ASB15: variants seen among roughly 807,000 people sequenced by gnomAD.
ASB15 encodes ankyrin repeat and SOCS box protein 15.
A neutral mutation model predicts 58.0 loss-of-function variants in ASB15; 54 were observed. The observed-to-expected ratio is 0.93, with a 90% CI of 0.75 to 1.17. The LOEUF is 1.17. Ranked by LOEUF, ASB15 falls within the 50% of genes most tolerant of loss-of-function variation. The pLI, the probability that ASB15 is intolerant of heterozygous loss-of-function variation, is 0.00. For missense variants in ASB15, 680 were observed against 707.4 expected, an observed-to-expected ratio of 0.96 and a Z score of 0.44; for synonymous variants, 249 against 262.4, an observed-to-expected ratio of 0.95 and a Z score of 0.50.
chr7:123,592,298 C>T (rs1043429703), intron 1 of ASB15, among the ~76,000 whole-genome samples: 13 of 151,840 alleles, frequency 8.6e-5, no homozygotes, highest in African/African-American at 2.7e-4. Context: ...AGTTCTGCTC[C>T]GATCTTAGTT....
At chr7:123,588,666 C>T (rs1799443983) in intron 1 of ASB15, among the ~76,000 whole-genome samples, 1 of 148,936 alleles carries the variant, frequency 6.7e-6, no homozygotes, top group South Asian at 2.1e-4. Flanking sequence ...TAAAGTTAGG[C>T]TATTTATTTG....
In ASB15 at chr7:123,636,957, T is replaced by C. The variant is rs1179390097; in HGVS notation, c.1743T>C (p.Tyr581=). ...RYILFKEYDL[Y]GQELKLT ...TATTATTTAAAGAGTATGATCTCTA[T>C]GGACAAGAGCTAAAATTGACATAAC... is the stretch of plus-strand genomic sequence containing the variant. Residue 581 remains tyrosine (Y), a synonymous_variant, in exon 12 of 12, where the codon TAT becomes TAC. Transcript: ENST00000451215. The C allele has an allele frequency of 6.4e-7, 1 of 1,556,226 alleles. No homozygotes were observed. Among genetic ancestry groups the C allele is most frequent in the East Asian group, 2.2e-5 (1 of 44,596 alleles).
intron 7 of ASB15, among the ~76,000 whole-genome samples, chr7:123,620,798 G>A (rs1054674495): frequency 2.7e-5 from 4 of 150,942 alleles, no homozygotes; most frequent in Non-Finnish European, 5.9e-5. Context: ...TCCTGACCTC[G>A]TGATCCGCCC....
intron 1 of ASB15, among the ~76,000 whole-genome samples, chr7:123,571,441 CTG>C (rs1391158765): frequency 5.9e-5 from 9 of 152,118 alleles, no homozygotes; most frequent in Non-Finnish European, 1.2e-4. Context: ...ATTAATCACC[CTG>C]TGAAAGTGAT....
chr7:123,632,433 G>T (rs111933582), intron 11 of ASB15, among the ~76,000 whole-genome samples: 1 of 152,142 alleles, frequency 6.6e-6, no homozygotes, highest in African/African-American at 2.4e-5. Context: ...TAGATAAAAG[G>T]ATTTTAAAAT....
chr7:123,578,688 T>C (rs1799139529), intron 1 of ASB15, among the ~76,000 whole-genome samples: 2 of 152,070 alleles, frequency 1.3e-5, no homozygotes, highest in South Asian at 4.1e-4. Context: ...TTCAATAGCT[T>C]AGTCTTTTCT....
chr7:123,629,544 TTTC>T lies in ASB15; in HGVS notation c.1440+113_1440+115del. ...AAAAATAAACTCTAATTTTTCTATT[TTTC>T]TTGTTTTTTCAATTTTTGTATGCAA... On this transcript the variant is annotated intron_variant, in intron 10 of 11. Transcript: ENST00000451215. 2.8e-6 allele frequency: 3 copies of T among 1,053,766 alleles called. No individual in the cohort carries two copies. In the South Asian group the frequency reaches 5.1e-5, roughly 18 times the overall value. 65.3% of individuals were successfully genotyped at this position (1,053,766 alleles called of 1,614,324 possible). A position where few individuals can be genotyped will look rare whatever the true frequency, so the allele number is the denominator to read the frequency against.
rs906065105 is a variant in ASB15, at chr7:123,608,649, T to C, written c.-8T>C. 1.1e-4 allele frequency: 17 copies of C among 152,226 alleles called. No individual in the cohort carries two copies. Among genetic ancestry groups the C allele is most frequent in the African/African-American group, 4.1e-4 (17 of 41,460 alleles). The allele number at this position is 152,226 out of a possible 1,614,324, so 9.4% of individuals were successfully genotyped here. On this transcript the variant is annotated 5_prime_UTR_variant, in exon 3 of 12. Coordinates refer to ENST00000451215, the MANE Select transcript of ASB15 (RefSeq NM_001290258.2). The stretch of plus-strand genomic sequence containing the variant: ...ATAAAGAAGGAATCGCTGTAACTTA[T>C]TGCTTGTAAGTAAAATTACCTGTGA...
chr7:123,572,638 T>C (rs183422265), intron 1 of ASB15, among the ~76,000 whole-genome samples: 1 of 152,178 alleles, frequency 6.6e-6, no homozygotes, highest in Admixed American at 6.5e-5. Context: ...ACTCCTGGTA[T>C]GTCTGATATT....
chr7:123,624,783 CTG>C lies in ASB15; in HGVS notation c.669_670del (p.Cys223Ter). ...PLGVAAEYGHCDVLEHLIHKG... is the reference protein window; with the variant it reads ...PLGVAAEYGHXDVLEHLIHKG... ...TAGGCGTCGCTGCCGAGTATGGTCACTGTGACGTGTTAGAACATCTAATCCAC... is the reference window on the plus strand; with the variant it reads ...TAGGCGTCGCTGCCGAGTATGGTCACTGACGTGTTAGAACATCTAATCCAC... On this transcript the variant is annotated frameshift_variant, in exon 8 of 12. Transcript: ENST00000451215. LOFTEE classifies it high-confidence loss of function. The C allele has an allele frequency of 6.2e-7, 1 of 1,614,056 alleles. No individual in the cohort carries two copies. The highest frequency in any genetic ancestry group is 8.5e-7 in the Non-Finnish European group (1 of 1,179,934).
At chr7:123,629,461 T>C (rs1306950484) in intron 10 of ASB15, 27 bp downstream of exon 10, 17 of 1,514,396 alleles carry the variant, frequency 1.1e-5, no homozygotes, top group Admixed American at 5.4e-5. Context: ...CTGCTTTATA[T>C]TGAGTTATCA....
Position 123,617,868 on chromosome 7 carries a change from A to G in ASB15, c.451+131A>G, listed in dbSNP as rs1800931816. ...TCCCTGAGCTACTTGCCTAACCCCC[A>G]TGTCTTCTGTCCTGTGATTTTGTTT... is the stretch of plus-strand genomic sequence containing the variant. On this transcript the variant is annotated intron_variant, in intron 7 of 11. Transcript: ENST00000451215. 8.0e-6 allele frequency: 7 copies of G among 870,860 alleles called. No homozygotes were observed. In the South Asian group the frequency reaches 1.3e-4, roughly 17 times the overall value. The allele number at this position is 870,860 out of a possible 1,614,324, so 53.9% of individuals were successfully genotyped here.
At chr7:123,574,853 T>C (rs1799019652) in intron 1 of ASB15, among the ~76,000 whole-genome samples, 1 of 152,244 alleles carries the variant, frequency 6.6e-6, no homozygotes, top group Non-Finnish European at 1.5e-5. Context: ...AAAGTACTCT[T>C]TTTATTTTTT....
chr7:123,581,596 G>T (rs865919214), intron 1 of ASB15, among the ~76,000 whole-genome samples: 1 of 151,556 alleles, frequency 6.6e-6, no homozygotes, highest in African/African-American at 2.4e-5. Context: ...AAAGTCTTTC[G>T]GTTAAACTGA....
At chr7:123,620,090 C>T (rs941626991) in intron 7 of ASB15, 1 of 152,090 alleles carries the variant, frequency 6.6e-6, no homozygotes, top group African/African-American at 2.4e-5. Context: ...CCCAACGTCG[C>T]CATTTTCCAG....
At chr7:123,620,352 C>G (rs1221632188) in intron 7 of ASB15, 3 of 151,104 alleles carry the variant, frequency 2.0e-5, no homozygotes, top group Non-Finnish European at 4.4e-5. Flanking sequence ...CAATCATAGT[C>G]TCTGCATACA....
chr7:123,631,586 A>G (rs1562942024), intron 11 of ASB15, among the ~76,000 whole-genome samples: 1 of 152,146 alleles, frequency 6.6e-6, no homozygotes, highest in Non-Finnish European at 1.5e-5. Flanking sequence ...GAGTAAAATC[A>G]AAAATCGAGC....
chr7:123,615,545 T>A (rs1362298225), intron 4 of ASB15: 1 of 152,162 alleles, frequency 6.6e-6, no homozygotes, highest in African/African-American at 2.4e-5. Context: ...CAGAGTTAAG[T>A]AAATTTGTTA....
Position 123,616,401 on chromosome 7 carries a change from A to G in ASB15, c.198A>G (p.Lys66=), listed in dbSNP as rs748387387. ...IPELQEYVKY[K]YAMDEADEKG... The stretch of plus-strand genomic sequence containing the variant: ...AGCTCCAGGAGTATGTAAAATATAA[A>G]TATGCAATGGATGAAGCTGATGAAA... Residue 66 remains lysine, a synonymous_variant, in exon 6 of 12, where the codon AAA becomes AAG. Transcript: ENST00000451215. The G allele has an allele frequency of 1.2e-6, 2 of 1,607,762 alleles. No individual in the cohort carries two copies. The highest frequency in any genetic ancestry group is 3.3e-5 in the Admixed American group (2 of 59,952).
Sources: allele counts gnomAD v4.1 joint callset (sites outside exome capture counted in the v4.1 genomes callset), GRCh38; gene constraint gnomAD v4.1.1; transcripts MANE v1.5; gene names NCBI Gene and HGNC (gene_info 2026-07-23, HGNC 2026-07-21).